Variants in SUPT3H observed in about 807,000 individuals in gnomAD.
The protein encoded by SUPT3H is transcription initiation protein SPT3 homolog.
In SUPT3H, 44 loss-of-function variants were observed where a neutral mutation model predicts 44.3. That is an observed-to-expected ratio of 0.99 (90% confidence interval 0.78 to 1.28). SUPT3H has a LOEUF of 1.28. Among genes scored for constraint, SUPT3H ranks in the 50% most tolerant of loss-of-function variants. The probability of loss-of-function intolerance (pLI) is 0.00; values close to 1 mark genes in which losing one functional copy is unlikely to be tolerated. For synonymous variants in SUPT3H, 124 were observed against 125.6 expected, an observed-to-expected ratio of 0.99 and a Z score of 0.09; for missense variants, 380 against 387.1, an observed-to-expected ratio of 0.98 and a Z score of 0.15.
At chr6:45,227,355 T>C (rs990468335) in intron 2 of SUPT3H, among the ~76,000 whole-genome samples, 11 of 152,188 alleles carry the variant, frequency 7.2e-5, no homozygotes, top group African/African-American at 2.7e-4. Flanking sequence ...ATTAGTTTGA[T>C]GATTCCTTAA....
chr6:45,302,762 A>G (rs552575922), intron 2 of SUPT3H, among the ~76,000 whole-genome samples: 2 of 152,156 alleles, frequency 1.3e-5, no homozygotes, highest in African/African-American at 4.8e-5. Context: ...AGGAATCTCC[A>G]CACTGTTTTC....
chr6:45,305,921 G>C (rs12662664), intron 2 of SUPT3H, among the ~76,000 whole-genome samples: 22,868 of 152,232 alleles, frequency 0.15, 1,967 homozygotes, highest in East Asian at 0.26. Flanking sequence ...TGTACTCCAA[G>C]TACCAAACCA....
chr6:44,894,354 A>C (rs1014185394), intron 10 of SUPT3H, among the ~76,000 whole-genome samples: 3 of 152,066 alleles, frequency 2.0e-5, no homozygotes, highest in African/African-American at 7.2e-5. Flanking sequence ...TTATGGTTTT[A>C]GGTCTCACGT....
intron 2 of SUPT3H, among the ~76,000 whole-genome samples, chr6:45,127,400 G>A (rs933598186): frequency 1.6e-4 from 24 of 151,912 alleles, no homozygotes; most frequent in African/African-American, 5.6e-4. Context: ...CACTTCCCAG[G>A]CACCTGACAT....
At chr6:44,987,940 C>CG (rs1780046609) in intron 6 of SUPT3H, among the ~76,000 whole-genome samples, 1 of 152,028 alleles carries the variant, frequency 6.6e-6, no homozygotes, top group Non-Finnish European at 1.5e-5. Context: ...AGAATGGGTA[C>CG]ACTAGGGAAT....
intron 10 of SUPT3H, among the ~76,000 whole-genome samples, chr6:44,910,143 T>A (rs762239728): frequency 1.5e-4 from 23 of 152,174 alleles, no homozygotes; most frequent in Non-Finnish European, 3.2e-4. Flanking sequence ...CTCAACTCTC[T>A]ACCTGTCTGT....
chr6:45,313,071 A>T (rs1784202129), intron 2 of SUPT3H, among the ~76,000 whole-genome samples: 1 of 152,210 alleles, frequency 6.6e-6, no homozygotes, highest in African/African-American at 2.4e-5. Flanking sequence ...AATGAAAATT[A>T]AAAAATTCTT....
chr6:44,967,441 A>G (rs1776925944), intron 6 of SUPT3H, among the ~76,000 whole-genome samples: 2 of 151,814 alleles, frequency 1.3e-5, no homozygotes, highest in Non-Finnish European at 2.9e-5. Flanking sequence ...AATACAACAA[A>G]CTCTCGGTAC....
In SUPT3H at chr6:44,829,028, T is replaced by C. The variant is rs996654283; in HGVS notation, c.*788A>G. 1 of 152,554 alleles carries C rather than the reference T, an allele frequency of 6.6e-6. No individual in the cohort carries two copies. The highest frequency in any genetic ancestry group is 1.5e-5 in the Non-Finnish European group (1 of 68,044). The allele number at this position is 152,554 out of a possible 1,614,324, so 9.5% of individuals were successfully genotyped here. On this transcript the variant is annotated 3_prime_UTR_variant, in exon 11 of 11. Coordinates refer to ENST00000371459, the MANE Select transcript of SUPT3H (RefSeq NM_003599.4). ...TTCCAGTCTAGGTGTGGTAGTGCTT[T>C]GAAGGGAGGAAGCAAGAAATCACTC...
chr6:44,861,700 T>G (rs557131869), intron 10 of SUPT3H, among the ~76,000 whole-genome samples: 2 of 152,148 alleles, frequency 1.3e-5, no homozygotes, highest in South Asian at 4.2e-4. Context: ...CCAGCCACAG[T>G]TTTCTAATAT....
chr6:44,936,337 TTTTA>T lies in SUPT3H; in HGVS notation c.802-3578_802-3575del, dbSNP rs548744665. 1.6e-4 allele frequency among the ~76,000 whole-genome samples: 24 copies of T among 152,342 alleles called. No homozygotes were observed. The South Asian group carries it at 3.1e-3, about 20-fold the overall frequency. On this transcript the variant is annotated intron_variant, in intron 9 of 10. Transcript: ENST00000371459. The stretch of plus-strand genomic sequence containing the variant: ...TAGTTCTTATATAACTAGAAAAAGC[TTTTA>T]TTTATTTTTTTCTTTGTATAAATGT...
chr6:44,854,872 T>G (rs1175987734), intron 10 of SUPT3H, among the ~76,000 whole-genome samples: 8 of 152,204 alleles, frequency 5.3e-5, no homozygotes, highest in Non-Finnish European at 7.3e-5. Flanking sequence ...TGAAGGACTA[T>G]CTTATGTGAC....
chr6:45,055,508 C>G (rs992497344), intron 3 of SUPT3H, among the ~76,000 whole-genome samples: 3 of 152,040 alleles, frequency 2.0e-5, no homozygotes, highest in Admixed American at 6.6e-5. Context: ...ATAGAGAGCC[C>G]AGAAATAAAG....
chr6:45,175,292 A>G (rs531643557), intron 2 of SUPT3H, among the ~76,000 whole-genome samples: 5 of 152,310 alleles, frequency 3.3e-5, no homozygotes, highest in African/African-American at 1.2e-4. Flanking sequence ...TACAAAGGAA[A>G]GAGGTTTAAC....
chr6:44,812,875 A>T lies in SUPT3H; in HGVS notation c.*53-3374T>A, dbSNP rs147080755. On this transcript the variant is annotated intron_variant and NMD_transcript_variant, in intron 11 of 11. Transcript: ENST00000475057. Reference sequence around the variant, plus strand: ...GACCAGAGGAAACTACAGAGAAATAAGTCTATAATTCTGCATGCAATTTCC... The same window carrying T: ...GACCAGAGGAAACTACAGAGAAATATGTCTATAATTCTGCATGCAATTTCC... 4.7e-3 allele frequency among the ~76,000 whole-genome samples: 720 copies of T among 152,312 alleles called. 4 individuals carry two copies. The highest frequency in any genetic ancestry group is 8.2e-3 in the Admixed American group (125 of 15,300).
At chr6:44,996,978 C>T (rs1430956159) in intron 6 of SUPT3H, among the ~76,000 whole-genome samples, 1 of 151,676 alleles carries the variant, frequency 6.6e-6, no homozygotes, top group Non-Finnish European at 1.5e-5. Flanking sequence ...CATTTATTCT[C>T]TTCACAGGAG....
At chr6:44,816,014 G>A (rs1260899830) in intron 11 of SUPT3H, among the ~76,000 whole-genome samples, 3 of 152,020 alleles carry the variant, frequency 2.0e-5, no homozygotes, top group Non-Finnish European at 2.9e-5. Context: ...TAAAGGAACT[G>A]AAATCATACA....
intron 10 of SUPT3H, among the ~76,000 whole-genome samples, chr6:44,840,904 C>T (rs1322334353): frequency 6.6e-6 from 1 of 152,180 alleles, no homozygotes; most frequent in Non-Finnish European, 1.5e-5. Context: ...AAGAGTCAAA[C>T]TTCCAATGAA....
In SUPT3H at chr6:44,886,964, A is replaced by G. The variant is rs554084510; in HGVS notation, c.912+45689T>C. ...GAAAACAAAAAAAGGCAGGGGTTGC[A>G]ATCCTAGTCTCTGATAAAACAGACT... On this transcript the variant is annotated intron_variant, in intron 10 of 10. Transcript: ENST00000371459. Among the ~76,000 whole-genome samples the G allele has an allele frequency of 1.2e-4, 18 of 152,334 alleles. 1 individual carries two copies. In the South Asian group the frequency reaches 3.5e-3, roughly 30 times the overall value.
Sources: gnomAD v4.1 joint callset for allele counts (sites outside exome capture counted in the v4.1 genomes callset) on GRCh38, gnomAD v4.1.1 for gene constraint, MANE v1.5 for transcripts, NCBI Gene and HGNC (gene_info 2026-07-23, HGNC 2026-07-21) for gene names.